SMC3: variants seen among roughly 807,000 people sequenced by gnomAD.
The protein encoded by SMC3 is structural maintenance of chromosomes protein 3.
A neutral mutation model predicts 171.8 loss-of-function variants in SMC3; 20 were observed. The observed-to-expected ratio is 0.12, with a 90% CI of 0.08 to 0.17. The LOEUF (loss-of-function observed/expected upper bound fraction) is 0.17. Ranked by LOEUF, SMC3 falls within the 10% of genes least tolerant of loss-of-function variation. The pLI, the probability that SMC3 is intolerant of heterozygous loss-of-function variation, is 1.00. For synonymous variants in SMC3, 464 were observed against 451.1 expected, an observed-to-expected ratio of 1.03 and a Z score of -0.36; for missense variants, 543 against 1,420.4, an observed-to-expected ratio of 0.38 and a Z score of 9.93.
Position 110,599,797 on chromosome 10 carries a change from T to A in SMC3, c.2412T>A (p.Ile804=). 5 of 1,614,082 alleles carry A rather than the reference T, an allele frequency of 3.1e-6. 1 individual carries two copies. The South Asian group carries it at 4.4e-5, about 14-fold the overall frequency. The change falls in exon 21 of 29, where the codon ATT becomes ATA. Residue 804 remains isoleucine (I), a synonymous_variant. Coordinates refer to ENST00000361804, the MANE Select transcript of SMC3 (RefSeq NM_005445.4). ...QKRVDALNDE[I]RQLQQENRQL... is the part of the protein sequence containing the mutation. ...GAGTAGATGCACTGAATGATGAGAT[T>A]CGTCAACTTCAGCAGGTAAGTAGAC...
chr10:110,599,350 C>G (rs1405675056), intron 20 of SMC3, among the ~76,000 whole-genome samples: 2 of 152,234 alleles, frequency 1.3e-5, no homozygotes, highest in Non-Finnish European at 2.9e-5. Context: ...CCACCTTGGC[C>G]TCCCAAAGTG....
intron 6 of SMC3, 55 bp downstream of exon 6, chr10:110,577,969 G>T: frequency 8.2e-7 from 1 of 1,223,436 alleles, no homozygotes; most frequent in Non-Finnish European, 1.2e-6. Context: ...ATAGAGATGG[G>T]GTATTGCTGT....
chr10:110,603,443 A>T (rs560891294), intron 28 of SMC3, among the ~76,000 whole-genome samples, 153 bp downstream of exon 28: 2 of 151,288 alleles, frequency 1.3e-5, no homozygotes, highest in South Asian at 2.1e-4. Flanking sequence ...TCAAATAACT[A>T]TGAAGTTTAG....
chr10:110,602,654 G>A lies in SMC3; in HGVS notation c.3286G>A (p.Val1096Ile). The A allele has an allele frequency of 6.2e-7, 1 of 1,613,494 alleles. No individual in the cohort carries two copies. Among genetic ancestry groups the A allele is most frequent in the Non-Finnish European group, 8.5e-7 (1 of 1,179,408 alleles). The stretch of plus-strand genomic sequence containing the variant: ...CCCATCAGTTGACCAGTTTACTGGA[G>A]TTGGAATTAGGGTAAAATACCTTTA... The part of the protein sequence containing the change: ...SVPSVDQFTG[V>I]GIRVSFTGKQ... Residue 1096 changes from valine (V) to isoleucine (I), a missense_variant, in exon 26 of 29, where the codon GTT (valine) becomes ATT (isoleucine). Val to Ile is a conservative substitution (Grantham distance 29). Transcript: ENST00000361804.
intron 7 of SMC3, among the ~76,000 whole-genome samples, chr10:110,579,075 G>A (rs903430022): frequency 2.0e-5 from 3 of 152,132 alleles, no homozygotes; most frequent in East Asian, 1.9e-4. Flanking sequence ...ATACTGAAAA[G>A]CTAACATTAC....
At chr10:110,573,771 A>C in intron 3 of SMC3, 26 bp downstream of exon 3, 2 of 1,431,414 alleles carry the variant, frequency 1.4e-6, no homozygotes, top group South Asian at 2.3e-5. Context: ...TGAATTGTAA[A>C]TATATTAAGA....
At chr10:110,604,158 G>T in intron 28 of SMC3, 73 bp from the exon 29 acceptor site, 3 of 822,416 alleles carry the variant, frequency 3.6e-6, no homozygotes, top group Non-Finnish European at 4.2e-6. Flanking sequence ...TTGATAGGCT[G>T]TATATATTTA....
rs151331001 is a variant in SMC3, at chr10:110,593,679, C to T, written c.1963+456C>T. ...GAGACATTCTGGTTTTGAGAGTATT[C>T]GAAAAATTCATCCTTTGCCTTTGGC... is the stretch of plus-strand genomic sequence containing the variant. On this transcript the variant is annotated intron_variant, in intron 18 of 28. Coordinates refer to ENST00000361804, the MANE Select transcript of SMC3 (RefSeq NM_005445.4). Among the ~76,000 whole-genome samples the T allele has an allele frequency of 2.7e-4, 41 of 151,854 alleles. No homozygotes were observed. The South Asian group carries it at 6.5e-3, about 24-fold the overall frequency.
rs200848781 is a variant in SMC3, at chr10:110,590,985, A to G, written c.1671-6A>G. Reference sequence around the variant, plus strand: ...TAAAGATTTGTCTTACTCTGTTTATATTTAGGTTATTTTATCACATTGTTG... The same window carrying G: ...TAAAGATTTGTCTTACTCTGTTTATGTTTAGGTTATTTTATCACATTGTTG... On this transcript the variant is annotated splice_polypyrimidine_tract_variant and splice_region_variant and intron_variant, in intron 16 of 28. Coordinates refer to ENST00000361804, the MANE Select transcript of SMC3 (RefSeq NM_005445.4). 1.5e-3 allele frequency: 2,367 copies of G among 1,612,042 alleles called. 4 individuals are homozygous for G. The highest frequency in any genetic ancestry group is 1.7e-3 in the Non-Finnish European group (1,987 of 1,178,322).
Position 110,582,112 on chromosome 10 carries a change from C to T in SMC3, c.723+14C>T, listed in dbSNP as rs1189301353. On this transcript the variant is annotated intron_variant, in intron 9 of 28. Transcript: ENST00000361804. The stretch of plus-strand genomic sequence containing the variant: ...AAACTTGATGAGGTAAAATATTTAC[C>T]TGTGACACTTAAAATCAGATTAATT... 6.3e-7 allele frequency: 1 copy of T among 1,599,528 alleles called. No homozygotes were observed. Among genetic ancestry groups the T allele is most frequent in the African/African-American group, 1.3e-5 (1 of 74,596 alleles).
chr10:110,573,858 T>C (rs537743350), intron 3 of SMC3, 113 bp downstream of exon 3: 2 of 777,642 alleles, frequency 2.6e-6, no homozygotes, highest in African/African-American at 1.7e-5. Context: ...AGAAATACTT[T>C]ATATGGGGTT....
At chr10:110,599,396 C>T (rs1383524869) in intron 20 of SMC3, among the ~76,000 whole-genome samples, 1 of 152,118 alleles carries the variant, frequency 6.6e-6, no homozygotes, top group Non-Finnish European at 1.5e-5. Context: ...CGCCCGGCAA[C>T]TTTTTGTTCT....
In SMC3 at chr10:110,598,067, T is replaced by G. The variant is rs931167879; in HGVS notation, c.2117-72T>G. 2.6e-5 allele frequency: 35 copies of G among 1,361,756 alleles called. No homozygotes were observed. The African/African-American group carries it at 4.0e-4, about 16-fold the overall frequency. The allele number at this position is 1,361,756 out of a possible 1,614,324, so 84.4% of individuals were successfully genotyped here. A position where few individuals can be genotyped will look rare whatever the true frequency, so the allele number is the denominator to read the frequency against. ...AAAGAAAAGGAAGGGATACATGGTG[T>G]TGTGTCTAAAAAGAATTAAGAACAT... On this transcript the variant is annotated intron_variant, in intron 19 of 28. Coordinates refer to ENST00000361804, the MANE Select transcript of SMC3 (RefSeq NM_005445.4).
At chr10:110,591,305 G>A (rs1861201379) in intron 17 of SMC3, among the ~76,000 whole-genome samples, 173 bp downstream of exon 17, 1 of 152,182 alleles carries the variant, frequency 6.6e-6, no homozygotes, top group South Asian at 2.1e-4. Context: ...GAGGGAGACA[G>A]AAGTCACAGC....
intron 13 of SMC3, among the ~76,000 whole-genome samples, chr10:110,586,599 C>T (rs1861120305): frequency 6.6e-6 from 1 of 152,108 alleles, no homozygotes. Flanking sequence ...TCAGAATGAC[C>T]ACTTGTAAAG....
chr10:110,584,175 T>G lies in SMC3; in HGVS notation c.1092-8T>G, dbSNP rs79912955. ...CCTTTTCATCCCATTTGCTTCTATT[T>G]TGTGTAGATTGGCTCAAGCTACCCA... On this transcript the variant is annotated splice_polypyrimidine_tract_variant and splice_region_variant and intron_variant, in intron 12 of 28. Coordinates refer to ENST00000361804, the MANE Select transcript of SMC3 (RefSeq NM_005445.4). The G allele has an allele frequency of 1.8e-3, 2,899 of 1,613,310 alleles. 36 individuals carry two copies. The African/African-American group carries it at 0.03, about 17-fold the overall frequency.
rs1861188000 is a variant in SMC3 at position 110,590,405 on chromosome 10, C to A, written c.1510-7C>A. 1 of 1,612,542 alleles carries A rather than the reference C, an allele frequency of 6.2e-7. No individual in the cohort carries two copies. The highest frequency in any genetic ancestry group is 1.3e-5 in the African/African-American group (1 of 74,872). On this transcript the variant is annotated splice_region_variant and splice_polypyrimidine_tract_variant and intron_variant, in intron 15 of 28. Coordinates refer to ENST00000361804, the MANE Select transcript of SMC3 (RefSeq NM_005445.4). ...TTTTAATATTTTTCATTTCTGACAA[C>A]TTACAGGCCATTTTAAATGGAATAG... is the stretch of plus-strand genomic sequence containing the variant.
At chr10:110,577,594 AC>A in intron 5 of SMC3, 102 bp downstream of exon 5, 1 of 832,220 alleles carries the variant, frequency 1.2e-6, no homozygotes. Flanking sequence ...TGTTATAATT[AC>A]AGTTTATATA....
At position 110,567,738 on chromosome 10, in the gene SMC3, G is replaced by T; in HGVS notation, c.-79G>T. ...AGCGGCGCTTTGGGGGAGGGGTCGCGTAGGCGCCTCACCTGACCCTGCGGC... is the reference window on the plus strand; with the variant it reads ...AGCGGCGCTTTGGGGGAGGGGTCGCTTAGGCGCCTCACCTGACCCTGCGGC... On this transcript the variant is annotated 5_prime_UTR_variant, in exon 1 of 29. Coordinates refer to ENST00000361804, the MANE Select transcript of SMC3 (RefSeq NM_005445.4). The T allele has an allele frequency of 6.4e-7, 1 of 1,563,752 alleles. No homozygotes were observed.
Sources: allele counts gnomAD v4.1 joint callset (sites outside exome capture counted in the v4.1 genomes callset), GRCh38; gene constraint gnomAD v4.1.1; transcripts MANE v1.5; gene names NCBI Gene and HGNC (gene_info 2026-07-23, HGNC 2026-07-21).